Variants in COMMD9 observed in about 807,000 individuals in gnomAD.
COMMD9 encodes the protein COMM domain containing 9.
COMMD9 carries 22 observed loss-of-function variants against 23.4 expected under a neutral mutation model. That is an observed-to-expected ratio of 0.94 (90% CI 0.67 to 1.34). The LOEUF is 1.34. Ranked by LOEUF, COMMD9 falls within the 40% of genes most tolerant of loss-of-function variation. The pLI, the probability that COMMD9 is intolerant of heterozygous loss-of-function variation, is 0.00. For synonymous variants in COMMD9, 99 were observed against 97.4 expected (o/e 1.02, Z -0.10); for missense variants, 231 against 240.2 (o/e 0.96, Z 0.25).
chr11:36,275,857 A>G (rs1201832876), intron 5 of COMMD9, among the ~76,000 whole-genome samples: 1 of 150,222 alleles, frequency 6.7e-6, no homozygotes. Flanking sequence ...CTGGAAGCAC[A>G]CTACTATTGT....
rs2133426720 is a variant in COMMD9 at position 36,278,538 on chromosome 11, A to G, written c.256T>C (p.Phe86Leu). 6.2e-7 allele frequency: 1 copy of G among 1,614,030 alleles called. No homozygotes were observed. Among genetic ancestry groups the G allele is most frequent in the Non-Finnish European group, 8.5e-7 (1 of 1,179,830 alleles). Residue 86 changes from phenylalanine to leucine, a missense_variant, in exon 3 of 6, where the codon TTT (phenylalanine) becomes CTT (leucine). Transcript: ENST00000263401. The part of the protein sequence containing the change: ...LSSAEAILAL[F>L]PENFHQNLKN... ...AGGTTTTGGTGGAAATTTTCTGGAA[A>G]GAGAGCCAGAATTGCCTCGGCAGAG...
At chr11:36,289,237 TCA>T (rs1207092217) in intron 1 of COMMD9, 123 bp downstream of exon 1, 2 of 828,566 alleles carry the variant, frequency 2.4e-6, no homozygotes, top group Non-Finnish European at 3.6e-6. Context: ...TTGCCTGGGA[TCA>T]CACAGAGAAC....
chr11:36,286,898 T>C (rs1301361751), intron 1 of COMMD9, among the ~76,000 whole-genome samples: 1 of 152,138 alleles, frequency 6.6e-6, no homozygotes, highest in Non-Finnish European at 1.5e-5. Flanking sequence ...AAGGAGAGTG[T>C]GGCTATTCAT....
chr11:36,278,735 T>A, intron 2 of COMMD9, 119 bp from the exon 3 acceptor site: 1 of 997,682 alleles, frequency 1.0e-6, no homozygotes, highest in Non-Finnish European at 1.4e-6. Context: ...GTCATTCAAC[T>A]GAGTCACAAG....
rs180884338 is a variant in COMMD9, at chr11:36,287,729, T to C, written c.51+1633A>G. Among the ~76,000 whole-genome samples, 136 of 152,256 alleles carry C rather than the reference T, an allele frequency of 8.9e-4. 1 individual carries two copies. Among genetic ancestry groups the C allele is most frequent in the Middle Eastern group, 3.4e-3 (1 of 294 alleles). ...TAAAAAAAAAGTATATGCTGTATTA[T>C]TCCATTTATGTTAAGTTCAAACATG... is the stretch of plus-strand genomic sequence containing the variant. On this transcript the variant is annotated intron_variant, in intron 1 of 5. Transcript: ENST00000263401.
intron 3 of COMMD9, among the ~76,000 whole-genome samples, 173 bp from the exon 4 acceptor site, chr11:36,277,296 C>T (rs150120040): frequency 7.2e-5 from 11 of 152,240 alleles, no homozygotes; most frequent in Non-Finnish European, 1.5e-4. Flanking sequence ...ATTTGTTTTA[C>T]AAAGCTCAGT....
intron 1 of COMMD9, among the ~76,000 whole-genome samples, chr11:36,286,410 A>AAAAAAAAAAAG (rs1285648187): frequency 4.8e-5 from 5 of 104,820 alleles, no homozygotes; most frequent in African/African-American, 1.6e-4. Context: ...AAAAAAAAAA[A>AAAAAAAAAAAG]AAAGAAAGAA....
At chr11:36,277,609 A>G (rs766251912) in intron 3 of COMMD9, among the ~76,000 whole-genome samples, 19 of 152,314 alleles carry the variant, frequency 1.2e-4, no homozygotes, top group Non-Finnish European at 2.2e-4. Flanking sequence ...ATTATCAGTT[A>G]TTGCTATTAG....
chr11:36,286,010 AAC>A (rs1856145769), intron 1 of COMMD9, among the ~76,000 whole-genome samples: 1 of 152,186 alleles, frequency 6.6e-6, no homozygotes, highest in East Asian at 1.9e-4. Context: ...ACTCTGAATC[AAC>A]ACAGTGCTGA....
chr11:36,276,945 GAAAAA>G, intron 4 of COMMD9, 139 bp downstream of exon 4: 12 of 511,764 alleles, frequency 2.3e-5, no homozygotes, highest in Non-Finnish European at 2.9e-5. Flanking sequence ...TAGAATTAGG[GAAAAA>G]ACCCACCATA....
At chr11:36,288,540 C>T (rs1856211610) in intron 1 of COMMD9, among the ~76,000 whole-genome samples, 1 of 152,166 alleles carries the variant, frequency 6.6e-6, no homozygotes, top group South Asian at 2.1e-4. Context: ...CGGTGGCTCA[C>T]GCCTGTAATC....
intron 1 of COMMD9, among the ~76,000 whole-genome samples, chr11:36,282,857 CAA>C (rs959752935): frequency 2.6e-5 from 4 of 152,164 alleles, no homozygotes; most frequent in African/African-American, 9.7e-5. Context: ...TTGGCTCAGT[CAA>C]AGTCTGGCAA....
In COMMD9 at chr11:36,287,087, CTACA is replaced by C. The variant is rs1221652226; in HGVS notation, c.51+2271_51+2274del. Among the ~76,000 whole-genome samples the C allele has an allele frequency of 1.4e-5, 2 of 143,606 alleles. 1 individual carries two copies. The highest frequency in any genetic ancestry group is 3.1e-5 in the Non-Finnish European group (2 of 65,382). 94.2% of individuals were successfully genotyped at this position (143,606 alleles called of 152,430 possible). A position where few individuals can be genotyped will look rare whatever the true frequency, so the allele number is the denominator to read the frequency against. On this transcript the variant is annotated intron_variant, in intron 1 of 5. Coordinates refer to ENST00000263401, the MANE Select transcript of COMMD9 (RefSeq NM_014186.4). ...CTATGTATATCGCGTAGTATGTATA[CTACA>C]TACTATGTATATCGCGTAGTATGTA...
chr11:36,286,410 AAAAGAAAGAAAGAAAG>A (rs1179106289), intron 1 of COMMD9, among the ~76,000 whole-genome samples: 34,489 of 102,434 alleles, frequency 0.34, 5,548 homozygotes, highest in Non-Finnish European at 0.41. Flanking sequence ...AAAAAAAAAA[AAAAGAAAGAAAGAAAG>A]AAAGAAAGAA....
chr11:36,275,877 ACTG>A (rs1855962016), intron 5 of COMMD9, among the ~76,000 whole-genome samples: 1 of 152,228 alleles, frequency 6.6e-6, no homozygotes, highest in South Asian at 2.1e-4. Context: ...TTAAAGCTAA[ACTG>A]CTAAGAGTAT....
intron 2 of COMMD9, among the ~76,000 whole-genome samples, chr11:36,280,485 A>C (rs1182786381): frequency 6.6e-6 from 1 of 152,340 alleles, no homozygotes; most frequent in Admixed American, 6.5e-5. Context: ...AAAATCACAG[A>C]AAGGTTGGCT....
chr11:36,276,244 T>C lies in COMMD9; in HGVS notation c.353-4A>G, dbSNP rs1260590144. 1.9e-6 allele frequency: 3 copies of C among 1,606,190 alleles called. No homozygotes were observed. The highest frequency in any genetic ancestry group is 2.6e-6 in the Non-Finnish European group (3 of 1,172,790). On this transcript the variant is annotated splice_region_variant and splice_polypyrimidine_tract_variant and intron_variant, in intron 4 of 5. Transcript: ENST00000263401. ...TCGACCAGGCGTGGCAGAGAGACTG[T>C]GGAAGGAACAGCTCAGCTCAATGCT...
intron 1 of COMMD9, among the ~76,000 whole-genome samples, chr11:36,283,730 T>C (rs1856103707): frequency 6.6e-6 from 1 of 152,138 alleles, no homozygotes; most frequent in Admixed American, 6.6e-5. Context: ...ATAATTATAC[T>C]AAATGTAAAT....
chr11:36,274,200 A>G lies in COMMD9; in HGVS notation c.*432T>C, dbSNP rs1565345817. On this transcript the variant is annotated 3_prime_UTR_variant, in exon 6 of 6. Coordinates refer to ENST00000263401, the MANE Select transcript of COMMD9 (RefSeq NM_014186.4). ...CAGAGGAGCAGGAACTGCTGGCATC[A>G]CCTGTCCGATTCCCTCCATGTGTTC... 1 of 452,508 alleles carries G rather than the reference A, an allele frequency of 2.2e-6. No homozygotes were observed. The highest frequency in any genetic ancestry group is 4.5e-6 in the Non-Finnish European group (1 of 224,336). 28.0% of individuals were successfully genotyped at this position (452,508 alleles called of 1,614,324 possible). A position where few individuals can be genotyped will look rare whatever the true frequency, so the allele number is the denominator to read the frequency against.
Sources: allele counts gnomAD v4.1 joint callset (sites outside exome capture counted in the v4.1 genomes callset), GRCh38; gene constraint gnomAD v4.1.1; transcripts MANE v1.5; gene names NCBI Gene and HGNC (gene_info 2026-07-23, HGNC 2026-07-21).